Variants in PRPF6 observed in about 807,000 individuals in gnomAD.
PRPF6 encodes pre-mRNA-processing factor 6.
Under a neutral mutation model 118.3 loss-of-function variants are expected in PRPF6, and 42 were observed. That is an observed-to-expected ratio of 0.35 (90% CI 0.28 to 0.46). The LOEUF is 0.46. Among genes scored for constraint, PRPF6 ranks in the 20% least tolerant of loss-of-function variants. PRPF6 has a pLI of 1.00. For synonymous variants in PRPF6, 481 were observed against 485.1 expected (o/e 0.99, Z 0.11); for missense variants, 662 against 1,255.7 (o/e 0.53, Z 7.15).
chr20:63,994,404 G>A (rs889012204), intron 4 of PRPF6, among the ~76,000 whole-genome samples: 2 of 151,872 alleles, frequency 1.3e-5, no homozygotes, highest in African/African-American at 4.8e-5. Flanking sequence ...TGATCTGCCC[G>A]CTTTGGCCTC....
Position 63,995,476 on chromosome 20 carries a change from G to T in PRPF6, c.765G>T (p.Leu255=), listed in dbSNP as rs1457723652. The change falls in exon 6 of 21, where the codon CTG becomes CTT. Residue 255 remains leucine (L), a synonymous_variant. Transcript: ENST00000266079. The stretch of plus-strand genomic sequence containing the variant: ...GGAACACTCTGATGGACATGAGGCT[G>T]AGCCAGGTGAGTTTGTCACACAGCA... ...QARNTLMDMR[L]SQVSDSVSGQ... is the part of the protein sequence containing the mutation. 1.2e-6 allele frequency: 2 copies of T among 1,613,988 alleles called. No homozygotes were observed. The highest frequency in any genetic ancestry group is 1.7e-6 in the Non-Finnish European group (2 of 1,180,040).
intron 7 of PRPF6, 150 bp from the exon 8 acceptor site, chr20:63,999,453 C>T (rs1019617214): frequency 7.6e-6 from 8 of 1,049,134 alleles, no homozygotes; most frequent in East Asian, 2.4e-5. Context: ...TGGAATAGTG[C>T]GCACTGAGGT....
At chr20:64,002,748 A>G (rs1192302877) in intron 9 of PRPF6, among the ~76,000 whole-genome samples, 5 of 150,200 alleles carry the variant, frequency 3.3e-5, no homozygotes, top group Non-Finnish European at 5.9e-5. Context: ...GGTTTAAGCA[A>G]TCCTCTTGCC....
Position 64,027,223 on chromosome 20 carries a change from T to G in PRPF6, c.2205+65T>G, listed in dbSNP as rs2059295110. 2.5e-6 allele frequency: 4 copies of G among 1,585,400 alleles called. No individual in the cohort carries two copies. The highest frequency in any genetic ancestry group is 1.7e-5 in the Admixed American group (1 of 57,706). On this transcript the variant is annotated intron_variant, in intron 16 of 20. Transcript: ENST00000266079. This position sits in a 1 kb window ranked among gnomAD's most constrained non-coding sequence, Gnocchi z 6.5. ...GCATTCACAAAACTGAGCCCCCTGG[T>G]GCAGGGTCATTGCCCTTCGCCTCTG...
intron 9 of PRPF6, among the ~76,000 whole-genome samples, chr20:64,005,436 C>T (rs562146142): frequency 1.6e-4 from 24 of 152,238 alleles, no homozygotes; most frequent in South Asian, 2.1e-4. Context: ...GAGGTGAGAG[C>T]GCACAGGAAA....
At chr20:64,000,771 G>A (rs1407679030) in intron 8 of PRPF6, among the ~76,000 whole-genome samples, 1 of 152,072 alleles carries the variant, frequency 6.6e-6, no homozygotes, top group African/African-American at 2.4e-5. Context: ...GTTTTGCCAT[G>A]TTGGCCAGGC....
chr20:64,021,641 GCACA>G (rs2059265211), intron 12 of PRPF6, among the ~76,000 whole-genome samples: 1 of 144,042 alleles, frequency 6.9e-6, no homozygotes. Context: ...GTGTGTGCGT[GCACA>G]TATGCATATG....
chr20:64,017,143 C>T (rs970686956), intron 12 of PRPF6, among the ~76,000 whole-genome samples: 14 of 152,172 alleles, frequency 9.2e-5, no homozygotes, highest in African/African-American at 2.7e-4. Flanking sequence ...GGGGTTTCAC[C>T]GTGTTAGCCA....
Position 64,032,986 on chromosome 20 carries a change from C to G in PRPF6, c.2819C>G (p.Thr940Ser), listed in dbSNP as rs1555921755. 2 of 1,613,276 alleles carry G rather than the reference C, an allele frequency of 1.2e-6. No individual in the cohort carries two copies. The highest frequency in any genetic ancestry group is 1.7e-5 in the Admixed American group (1 of 60,026). ...CTGGTGGCCGGCCGCATCAAGAACA[C>G]CTTCTGATTGAGCGGTTGCCATGGC... ...LRLVAGRIKNTF is the reference protein window; with the variant it reads ...LRLVAGRIKNSF The change falls in exon 21 of 21, where the codon ACC (threonine) becomes AGC (serine). Residue 940 changes from threonine (T) to serine (S), a missense_variant. Thr to Ser is a moderately conservative substitution (Grantham distance 58, BLOSUM62 1). Around this residue, in one of 10 missense-constraint regions of PRPF6, gnomAD observed 244 missense variants for 383.7 expected, o/e 0.64. Transcript: ENST00000266079.
At chr20:64,018,638 AT>A (rs1169255115) in intron 12 of PRPF6, among the ~76,000 whole-genome samples, 2 of 151,800 alleles carry the variant, frequency 1.3e-5, no homozygotes, top group Non-Finnish European at 2.9e-5. Context: ...TATATATTAA[AT>A]TTTTTTTGTA....
Position 64,032,836 on chromosome 20 carries a change from C to T in PRPF6, c.2674-5C>T. 6.2e-7 allele frequency: 1 copy of T among 1,605,600 alleles called. No individual in the cohort carries two copies. ...CCTGCCTGACGTGCCCTGTGGTCCC[C>T]CCAGGAGCAGCAGGAGGAGGTGAGG... On this transcript the variant is annotated splice_region_variant and splice_polypyrimidine_tract_variant and intron_variant, in intron 20 of 20. Coordinates refer to ENST00000266079, the MANE Select transcript of PRPF6 (RefSeq NM_012469.4).
chr20:63,983,404 T>C (rs1173612195), intron 2 of PRPF6, among the ~76,000 whole-genome samples, 189 bp downstream of exon 2: 3 of 151,872 alleles, frequency 2.0e-5, no homozygotes, highest in African/African-American at 7.3e-5. Flanking sequence ...GCACTTTTTG[T>C]CCCTCAGAAG....
At chr20:63,986,780 G>T (rs1462600350) in intron 3 of PRPF6, among the ~76,000 whole-genome samples, 1 of 151,788 alleles carries the variant, frequency 6.6e-6, no homozygotes, top group Admixed American at 6.6e-5. Context: ...GAGCCACTGC[G>T]CCCGGCCTAA....
Position 64,027,726 on chromosome 20 carries a change from C to T in PRPF6, c.2329C>T (p.Pro777Ser). ...EKSRLKNPKN[P>S]GLWLESVRLE... ...GTCTCGTCTGAAGAACCCAAAGAAC[C>T]CTGGGCTGTGGTGAGTCCTGGAGGG... The change falls in exon 17 of 21, where the codon CCT becomes TCT. Residue 777 changes from proline (P) to serine (S), a missense_variant. Transcript: ENST00000266079. This position sits in a 1 kb window ranked among gnomAD's most constrained non-coding sequence, Gnocchi z 6.5. The T allele has an allele frequency of 3.1e-6, 5 of 1,613,952 alleles. No individual in the cohort carries two copies. The highest frequency in any genetic ancestry group is 4.2e-6 in the Non-Finnish European group (5 of 1,180,008).
chr20:63,997,710 C>T (rs1180451350), intron 6 of PRPF6, among the ~76,000 whole-genome samples: 1 of 152,092 alleles, frequency 6.6e-6, no homozygotes, highest in Non-Finnish European at 1.5e-5. Context: ...TCGCCTCAGC[C>T]TCCCAGGATG....
intron 9 of PRPF6, among the ~76,000 whole-genome samples, chr20:64,001,605 C>T (rs1260710729): frequency 6.6e-6 from 1 of 152,218 alleles, no homozygotes; most frequent in East Asian, 1.9e-4. Context: ...AAGAGCTGAG[C>T]CGGCACCTGG....
At position 64,023,120 on chromosome 20, in the gene PRPF6, C is replaced by T. The variant is rs566223169; in HGVS notation, c.1769+242C>T. ...GCTGAGAAACAAGGAACCCCGGGGG[C>T]CCGTCCTGCTAAGTGTCCTGTAGCC... On this transcript the variant is annotated intron_variant, in intron 13 of 20. Transcript: ENST00000266079. Among the ~76,000 whole-genome samples, 15 of 152,324 alleles carry T rather than the reference C, an allele frequency of 9.8e-5. No homozygotes were observed. The East Asian group carries it at 2.3e-3, about 24-fold the overall frequency.
intron 2 of PRPF6, among the ~76,000 whole-genome samples, chr20:63,983,896 G>T (rs893049755): frequency 6.6e-6 from 1 of 152,072 alleles, no homozygotes; most frequent in Non-Finnish European, 1.5e-5. Context: ...CAGGTTGTCC[G>T]CACGCTTCGG....
intron 9 of PRPF6, among the ~76,000 whole-genome samples, chr20:64,006,563 A>AC (rs1236271012): frequency 3.3e-5 from 5 of 151,664 alleles, no homozygotes; most frequent in Non-Finnish European, 5.9e-5. Context: ...CTCATGATCC[A>AC]CCCGCTTCAG....
Sources: allele counts gnomAD v4.1 joint callset (sites outside exome capture counted in the v4.1 genomes callset), GRCh38; gene constraint gnomAD v4.1.1; regional missense constraint gnomAD v4.1.1; non-coding constraint Gnocchi (gnomAD v3.1); transcripts MANE v1.5; gene names NCBI Gene and HGNC (gene_info 2026-07-23, HGNC 2026-07-21).